The following NRG1 variants were observed in gnomAD, a reference collection of about 807,000 sequenced individuals.
NRG1 encodes neuregulin 1, also known as pro-neuregulin-1, membrane-bound isoform.
Under a neutral mutation model 63.8 loss-of-function variants are expected in NRG1, and 18 were observed. The observed-to-expected ratio is 0.28, with a 90% CI of 0.19 to 0.42. The LOEUF (loss-of-function observed/expected upper bound fraction) is 0.42. Among genes scored for constraint, NRG1 ranks in the 10% least tolerant of loss-of-function variants. The pLI is 1.00. For synonymous variants in NRG1, 302 were observed against 301.3 expected (o/e 1.00, Z -0.02); for missense variants, 762 against 814.7 (o/e 0.94, Z 0.79).
intron 1 of NRG1, among the ~76,000 whole-genome samples, chr8:32,181,414 T>C (rs536743803): frequency 6.6e-6 from 1 of 152,358 alleles, no homozygotes; most frequent in South Asian, 2.1e-4. Flanking sequence ...TGTAAATATC[T>C]CTATACTTTA....
chr8:32,405,317 A>G (rs1365398964), intron 1 of NRG1, among the ~76,000 whole-genome samples: 1 of 152,200 alleles, frequency 6.6e-6, no homozygotes, highest in Admixed American at 6.5e-5. Flanking sequence ...GTTATTTGCA[A>G]GTATTTCTGT....
chr8:32,334,267 T>C (rs137897043), intron 1 of NRG1, among the ~76,000 whole-genome samples: 2 of 152,306 alleles, frequency 1.3e-5, no homozygotes, highest in East Asian at 3.9e-4. Context: ...AAAATAAAAA[T>C]GTCCTGGATT....
chr8:32,438,232 A>G (rs1320076613), intron 1 of NRG1, among the ~76,000 whole-genome samples: 9 of 152,184 alleles, frequency 5.9e-5, no homozygotes, highest in Non-Finnish European at 1.2e-4. Context: ...ACATTTTGTC[A>G]TTTCAAGCAT....
intron 1 of NRG1, among the ~76,000 whole-genome samples, chr8:31,951,079 T>A (rs984502745): frequency 1.1e-4 from 17 of 152,212 alleles, no homozygotes; most frequent in African/African-American, 4.1e-4. Context: ...GGAAGGACTG[T>A]GTGAGAATAT....
At chr8:31,938,229 A>T in intron 1 of NRG1, among the ~76,000 whole-genome samples, 1 of 152,302 alleles carries the variant, frequency 6.6e-6, no homozygotes, top group African/African-American at 2.4e-5. Flanking sequence ...GGATCGCATC[A>T]TAGGACTCTG....
At chr8:32,514,079 G>T (rs1011657398) in intron 1 of NRG1, among the ~76,000 whole-genome samples, 3 of 152,132 alleles carry the variant, frequency 2.0e-5, no homozygotes, top group Non-Finnish European at 4.4e-5. Flanking sequence ...TCAGGGATTG[G>T]CAAAGCTGAA....
At chr8:31,821,671 G>A (rs1000856611) in intron 1 of NRG1, among the ~76,000 whole-genome samples, 1 of 151,820 alleles carries the variant, frequency 6.6e-6, no homozygotes, top group African/African-American at 2.4e-5. Flanking sequence ...GGAAATGCAA[G>A]GCTCATCAGC....
intron 1 of NRG1, among the ~76,000 whole-genome samples, chr8:32,463,221 T>C (rs766044795): frequency 1.2e-4 from 18 of 152,288 alleles, no homozygotes; most frequent in Non-Finnish European, 2.5e-4. Context: ...TAGGTTGTTT[T>C]CATATCTTGG....
At chr8:31,700,431 G>A (rs376618225) in intron 1 of NRG1, among the ~76,000 whole-genome samples, 139 of 152,248 alleles carry the variant, frequency 9.1e-4, no homozygotes, top group African/African-American at 3.3e-3. Context: ...GTGTGGAGCT[G>A]GTGAAACTAC....
At chr8:32,481,595 T>G (rs1164587041) in intron 1 of NRG1, among the ~76,000 whole-genome samples, 1 of 152,220 alleles carries the variant, frequency 6.6e-6, no homozygotes, top group Non-Finnish European at 1.5e-5. Context: ...CTGCATGAGT[T>G]CAAATCCCAG....
chr8:32,417,514 A>T (rs766616848), intron 1 of NRG1, among the ~76,000 whole-genome samples: 19 of 152,274 alleles, frequency 1.2e-4, no homozygotes, highest in Middle Eastern at 3.4e-3. Flanking sequence ...GTGACCTCCC[A>T]AGCATGACAA....
chr8:32,136,024 C>A (rs1039343756), intron 1 of NRG1, among the ~76,000 whole-genome samples: 1 of 151,890 alleles, frequency 6.6e-6, no homozygotes, highest in Admixed American at 6.6e-5. Context: ...AAACACAGTG[C>A]AGATGAGGGT....
intron 1 of NRG1, among the ~76,000 whole-genome samples, chr8:31,725,751 T>C (rs887684580): frequency 4.6e-5 from 7 of 152,214 alleles, no homozygotes; most frequent in African/African-American, 1.7e-4. Flanking sequence ...TTTAAATACT[T>C]TTCACAATTT....
At chr8:32,292,240 T>G (rs1428562355) in intron 1 of NRG1, among the ~76,000 whole-genome samples, 2 of 152,218 alleles carry the variant, frequency 1.3e-5, no homozygotes. Context: ...ATTAGCCTAT[T>G]CAATCCTTTC....
At chr8:31,865,771 C>T (rs527916042) in intron 1 of NRG1, among the ~76,000 whole-genome samples, 10 of 152,244 alleles carry the variant, frequency 6.6e-5, no homozygotes, top group African/African-American at 1.9e-4. Context: ...TACCCAGTCT[C>T]AGGTATTTCT....
intron 5 of NRG1, among the ~76,000 whole-genome samples, chr8:32,683,331 C>G (rs1427358965): frequency 6.6e-6 from 1 of 152,130 alleles, no homozygotes; most frequent in Admixed American, 6.6e-5. Context: ...CTCAGCACTG[C>G]AGAACAACAC....
intron 1 of NRG1, among the ~76,000 whole-genome samples, chr8:31,807,756 C>G (rs974837790): frequency 1.3e-5 from 2 of 152,138 alleles, no homozygotes; most frequent in African/African-American, 4.8e-5. Flanking sequence ...CACTCAGACC[C>G]TGGCTTCCCC....
At chr8:32,075,687 T>TAAC (rs1826394668) in intron 1 of NRG1, among the ~76,000 whole-genome samples, 2 of 18,404 alleles carry the variant, frequency 1.1e-4, no homozygotes, top group Admixed American at 6.6e-4. Flanking sequence ...TTTTTTTTTT[T>TAAC]TTTGAGACGG....
chr8:32,515,445 TTTTTG>T (rs144657045), intron 1 of NRG1, among the ~76,000 whole-genome samples: 42 of 152,110 alleles, frequency 2.8e-4, no homozygotes, highest in African/African-American at 9.2e-4. Context: ...TTGCCCAGTT[TTTTTG>T]TTTTGTTTTG....
Sources: gnomAD v4.1 joint callset for allele counts (sites outside exome capture counted in the v4.1 genomes callset) on GRCh38, gnomAD v4.1.1 for gene constraint, MANE v1.5 for transcripts, NCBI Gene and HGNC (gene_info 2026-07-23, HGNC 2026-07-21) for gene names.